Variants in PRR16 observed in about 807,000 individuals in gnomAD.
PRR16 encodes the protein proline rich 16.
Under a neutral mutation model 18.2 loss-of-function variants are expected in PRR16, and 6 were observed. That is an observed-to-expected ratio of 0.33 (90% CI 0.18 to 0.65). The LOEUF (loss-of-function observed/expected upper bound fraction) is 0.65, where lower values mean the gene tolerates loss of function less well. PRR16 is among the 30% of genes least tolerant of loss of function. PRR16 has a pLI of 0.74. For missense variants in PRR16, 412 were observed against 376.6 expected, an observed-to-expected ratio of 1.09 and a Z score of -0.78; for synonymous variants, 151 against 147.8, an observed-to-expected ratio of 1.02 and a Z score of -0.16.
chr5:120,678,124 T>C (rs1281016566), intron 1 of PRR16, among the ~76,000 whole-genome samples: 3 of 152,154 alleles, frequency 2.0e-5, no homozygotes, highest in Non-Finnish European at 4.4e-5. Context: ...TTAGCCAGGA[T>C]GGTGTCGATC....
chr5:120,485,946 A>C (rs1464209487), intron 1 of PRR16, among the ~76,000 whole-genome samples: 1 of 152,138 alleles, frequency 6.6e-6, no homozygotes, highest in East Asian at 1.9e-4. Context: ...GATGGTTTCC[A>C]GCTTCATCCA....
chr5:120,491,090 C>T lies in PRR16; in HGVS notation c.159+26445C>T, dbSNP rs929369407. On this transcript the variant is annotated intron_variant, in intron 1 of 1. Coordinates refer to ENST00000407149, the MANE Select transcript of PRR16 (RefSeq NM_001300783.2). ...TGGGGGGTGCCTCCCAGTTAGGCTACTCGGGGTCAGGGACGCACTTGAGGA... is the reference window on the plus strand; with the variant it reads ...TGGGGGGTGCCTCCCAGTTAGGCTATTCGGGGTCAGGGACGCACTTGAGGA... 4.6e-5 allele frequency among the ~76,000 whole-genome samples: 7 copies of T among 152,272 alleles called. No individual in the cohort carries two copies. The East Asian group carries it at 1.4e-3, about 29-fold the overall frequency.
chr5:120,771,728 C>A, the PRR16 span, among the ~76,000 whole-genome samples: 1 of 152,012 alleles, frequency 6.6e-6, no homozygotes, highest in African/African-American at 2.4e-5. Context: ...TAACAGTGAA[C>A]CGTACCAACT....
chr5:120,790,703 C>G, the PRR16 span: 1 of 152,170 alleles, frequency 6.6e-6, no homozygotes, highest in Non-Finnish European at 1.5e-5. Flanking sequence ...AATATTTGCA[C>G]TGTCACTTCC....
intron 1 of PRR16, among the ~76,000 whole-genome samples, chr5:120,641,003 A>T (rs1457266430): frequency 6.6e-6 from 1 of 152,076 alleles, no homozygotes; most frequent in Non-Finnish European, 1.5e-5. Context: ...AGAAGAGGCG[A>T]TTGTAAGGCC....
chr5:120,575,124 G>A (rs969890101), intron 1 of PRR16, among the ~76,000 whole-genome samples: 6 of 136,408 alleles, frequency 4.4e-5, no homozygotes, highest in African/African-American at 2.2e-4. Flanking sequence ...TCAAAGGTAT[G>A]TATGTGTAGG....
the PRR16 span, among the ~76,000 whole-genome samples, chr5:120,697,102 T>A: frequency 1.3e-5 from 2 of 152,234 alleles, no homozygotes; most frequent in Non-Finnish European, 2.9e-5. Context: ...TTGAAGATAT[T>A]CTCTACTTTG....
chr5:120,793,367 A>G, the PRR16 span, among the ~76,000 whole-genome samples: 1 of 152,158 alleles, frequency 6.6e-6, no homozygotes, highest in Admixed American at 6.6e-5. Flanking sequence ...AAAAAAAGGT[A>G]TATGGTTTGG....
the PRR16 span, among the ~76,000 whole-genome samples, chr5:120,708,184 A>C: frequency 6.6e-6 from 1 of 152,208 alleles, no homozygotes; most frequent in Non-Finnish European, 1.5e-5. Context: ...AGTAGCCTTC[A>C]GGGTTGTACA....
rs138972234 is a variant in PRR16, at chr5:120,664,119, T to A, written c.160-21835T>A. On this transcript the variant is annotated intron_variant, in intron 1 of 1. Transcript: ENST00000407149. ...TTCGAGACCAGCCTTACCAACATGA[T>A]GAAACCCTGTCTTTACTAAAAATAC... Among the ~76,000 whole-genome samples the A allele has an allele frequency of 9.3e-3, 1,420 of 152,140 alleles. 16 individuals are homozygous for A. The highest frequency in any genetic ancestry group is 0.016 in the Non-Finnish European group (1,116 of 67,996).
chr5:120,542,534 T>C (rs1751947986), intron 1 of PRR16, among the ~76,000 whole-genome samples: 1 of 152,166 alleles, frequency 6.6e-6, no homozygotes, highest in Admixed American at 6.6e-5. Flanking sequence ...TTTCCATTAA[T>C]GTTCTTCTAT....
At chr5:120,611,832 G>A (rs1754344163) in intron 1 of PRR16, among the ~76,000 whole-genome samples, 1 of 152,196 alleles carries the variant, frequency 6.6e-6, no homozygotes, top group Non-Finnish European at 1.5e-5. Context: ...GCTGTGAGAA[G>A]AGGGCCACCA....
At chr5:120,684,243 T>C (rs1010785455) in intron 1 of PRR16, among the ~76,000 whole-genome samples, 2 of 152,194 alleles carry the variant, frequency 1.3e-5, no homozygotes, top group African/African-American at 4.8e-5. Context: ...TTGTTGAATG[T>C]TTTGAAACTG....
chr5:120,497,878 A>G (rs1170407167), intron 1 of PRR16, among the ~76,000 whole-genome samples: 2 of 151,414 alleles, frequency 1.3e-5, no homozygotes, highest in African/African-American at 4.8e-5. Flanking sequence ...TTGCTTTTTG[A>G]TTAATGTCTG....
At chr5:120,715,377 C>G in the PRR16 span, among the ~76,000 whole-genome samples, 10 of 152,174 alleles carry the variant, frequency 6.6e-5, no homozygotes, top group African/African-American at 2.4e-4. Context: ...GCCCTTACTA[C>G]TCAATGAAAA....
At chr5:120,475,943 A>T (rs1454683328) in intron 1 of PRR16, among the ~76,000 whole-genome samples, 2 of 152,150 alleles carry the variant, frequency 1.3e-5, no homozygotes. Flanking sequence ...AGAAAAGTAC[A>T]TGATGCAACA....
the PRR16 span, among the ~76,000 whole-genome samples, chr5:120,784,638 G>A: frequency 6.6e-6 from 1 of 152,164 alleles, no homozygotes; most frequent in Non-Finnish European, 1.5e-5. Context: ...AGAGATCGGA[G>A]TAGACATTTC....
chr5:120,672,296 G>A (rs927623298), intron 1 of PRR16, among the ~76,000 whole-genome samples: 2 of 144,078 alleles, frequency 1.4e-5, no homozygotes, highest in African/African-American at 5.2e-5. Flanking sequence ...GGGGGAAACA[G>A]AGGAACTAGT....
At chr5:120,744,652 T>C in the PRR16 span, among the ~76,000 whole-genome samples, 1 of 152,242 alleles carries the variant, frequency 6.6e-6, no homozygotes. Context: ...AAAATAGAGC[T>C]CATGACATTT....
Sources: gnomAD v4.1 joint callset for allele counts (sites outside exome capture counted in the v4.1 genomes callset) on GRCh38, gnomAD v4.1.1 for gene constraint, MANE v1.5 for transcripts, NCBI Gene and HGNC (gene_info 2026-07-23, HGNC 2026-07-21) for gene names.